Variants in MCC observed in about 807,000 individuals in gnomAD.
MCC encodes MCC regulator of Wnt signaling pathway.
A neutral mutation model predicts 116.2 loss-of-function variants in MCC; 90 were observed. The ratio of observed to expected loss-of-function variants is 0.77; its 90% CI spans 0.65 to 0.92. The LOEUF is 0.92. Among genes scored for constraint, MCC ranks in the 40% least tolerant of loss-of-function variants. The pLI is 0.00. For synonymous variants in MCC, 578 were observed against 510.5 expected (o/e 1.13, Z -1.78); for missense variants, 1,516 against 1,312.2 (o/e 1.16, Z -2.40).
intron 3 of MCC, among the ~76,000 whole-genome samples, chr5:113,177,743 C>A (rs1761409721): frequency 6.6e-6 from 1 of 152,136 alleles, no homozygotes; most frequent in African/African-American, 2.4e-5. Flanking sequence ...GTAATCCTAA[C>A]ATACATATAT....
intron 3 of MCC, among the ~76,000 whole-genome samples, chr5:113,271,814 G>A (rs1765628714): frequency 6.6e-6 from 1 of 152,188 alleles, no homozygotes; most frequent in Non-Finnish European, 1.5e-5. Flanking sequence ...TGCTGTCCAT[G>A]ATGTTATGAA....
At chr5:113,114,096 C>T (rs752537294) in intron 6 of MCC, among the ~76,000 whole-genome samples, 15 of 151,646 alleles carry the variant, frequency 9.9e-5, no homozygotes, top group African/African-American at 3.2e-4. Flanking sequence ...TAGAAAAAAA[C>T]GTATACACAA....
intron 3 of MCC, among the ~76,000 whole-genome samples, chr5:113,179,206 AC>A (rs1423355513): frequency 6.6e-6 from 1 of 152,110 alleles, no homozygotes; most frequent in African/African-American, 2.4e-5. Flanking sequence ...TCCATATAGC[AC>A]CATTAATCTT....
rs568716167 is a variant in MCC, at chr5:113,030,192, T to C, written c.2757-1136A>G. 5.9e-5 allele frequency among the ~76,000 whole-genome samples: 9 copies of C among 152,314 alleles called. No individual in the cohort carries two copies. In the South Asian group the frequency reaches 1.9e-3, roughly 32 times the overall value. On this transcript the variant is annotated intron_variant, in intron 17 of 18. Coordinates refer to ENST00000408903, the MANE Select transcript of MCC (RefSeq NM_001085377.2). ...ATAATAAATGAACATGCCCCTTGAC[T>C]AAGCAACTTCACTTCTAGGAATTGA...
At chr5:113,231,276 G>C (rs1763933007) in intron 3 of MCC, among the ~76,000 whole-genome samples, 1 of 152,078 alleles carries the variant, frequency 6.6e-6, no homozygotes, top group Non-Finnish European at 1.5e-5. Flanking sequence ...CCCAGTTTTA[G>C]AAATTTCTTA....
intron 1 of MCC, among the ~76,000 whole-genome samples, chr5:113,477,765 CCAAA>C (rs1185262999): frequency 2.0e-5 from 3 of 152,186 alleles, no homozygotes; most frequent in South Asian, 2.1e-4. Context: ...TCTAGTCATG[CCAAA>C]CAAAGAAAGC....
At chr5:113,031,667 G>A (rs900476542) in intron 17 of MCC, among the ~76,000 whole-genome samples, 3 of 152,110 alleles carry the variant, frequency 2.0e-5, no homozygotes, top group Non-Finnish European at 2.9e-5. Context: ...GCTACCTAGA[G>A]CAGTCAAATC....
chr5:113,243,511 C>A (rs770825035), intron 3 of MCC, among the ~76,000 whole-genome samples: 3 of 152,180 alleles, frequency 2.0e-5, no homozygotes, highest in Admixed American at 1.3e-4. Context: ...CAGGCTTTGA[C>A]TGAAAGAATA....
At chr5:113,176,188 C>T (rs1479642942) in intron 3 of MCC, among the ~76,000 whole-genome samples, 1 of 152,076 alleles carries the variant, frequency 6.6e-6, no homozygotes, top group Non-Finnish European at 1.5e-5. Context: ...CTCCTAAATG[C>T]CCATTTCTTG....
chr5:113,457,142 G>A (rs771820819), intron 1 of MCC, among the ~76,000 whole-genome samples: 1 of 152,218 alleles, frequency 6.6e-6, no homozygotes, highest in African/African-American at 2.4e-5. Context: ...GGGAGGTGTG[G>A]AGGGAGAGGC....
At chr5:113,392,952 TAAA>T (rs1047967142) in intron 1 of MCC, among the ~76,000 whole-genome samples, 2 of 152,124 alleles carry the variant, frequency 1.3e-5, no homozygotes, top group Non-Finnish European at 2.9e-5. Context: ...TGTATCATCA[TAAA>T]AAATCTCAAA....
chr5:113,366,665 T>C (rs1011469993), intron 2 of MCC, among the ~76,000 whole-genome samples: 2 of 152,200 alleles, frequency 1.3e-5, no homozygotes, highest in Non-Finnish European at 2.9e-5. Context: ...AGACAATAAG[T>C]AAGAGTGGCT....
chr5:113,165,614 C>A (rs1406345504), intron 3 of MCC, among the ~76,000 whole-genome samples: 1 of 152,132 alleles, frequency 6.6e-6, no homozygotes, highest in Non-Finnish European at 1.5e-5. Flanking sequence ...GAGAAAGCAG[C>A]AGGAAGAATA....
At chr5:113,377,760 C>G (rs1364799812) in intron 2 of MCC, among the ~76,000 whole-genome samples, 1 of 152,210 alleles carries the variant, frequency 6.6e-6, no homozygotes, top group Non-Finnish European at 1.5e-5. Context: ...ATAGTTGCTT[C>G]ACAGCATTCT....
At chr5:113,208,877 A>G (rs897731155) in intron 3 of MCC, among the ~76,000 whole-genome samples, 3 of 152,208 alleles carry the variant, frequency 2.0e-5, no homozygotes, top group African/African-American at 7.2e-5. Context: ...TGCTCTCAAT[A>G]TATTACAATT....
At chr5:113,311,188 T>C (rs953923200) in intron 3 of MCC, among the ~76,000 whole-genome samples, 7 of 152,186 alleles carry the variant, frequency 4.6e-5, no homozygotes, top group African/African-American at 1.7e-4. Context: ...CAGTTTGTGG[T>C]AGAATGCAAA....
intron 8 of MCC, among the ~76,000 whole-genome samples, chr5:113,087,254 A>ATTGAGC (rs1266516287): frequency 6.6e-6 from 1 of 152,228 alleles, no homozygotes; most frequent in African/African-American, 2.4e-5. Flanking sequence ...AAATAGGAAA[A>ATTGAGC]TTCCCTCAAA....
chr5:113,271,539 T>G (rs567741323), intron 3 of MCC, among the ~76,000 whole-genome samples: 1 of 152,212 alleles, frequency 6.6e-6, no homozygotes, highest in Non-Finnish European at 1.5e-5. Context: ...CCATCCAGGA[T>G]TGCCAGGACT....
At chr5:113,282,263 A>G (rs1236288939) in intron 3 of MCC, among the ~76,000 whole-genome samples, 1 of 152,208 alleles carries the variant, frequency 6.6e-6, no homozygotes, top group Non-Finnish European at 1.5e-5. Context: ...CCTGACCCCA[A>G]TATGTCATCA....
Sources: gnomAD v4.1 joint callset for allele counts (sites outside exome capture counted in the v4.1 genomes callset) on GRCh38, gnomAD v4.1.1 for gene constraint, MANE v1.5 for transcripts, NCBI Gene and HGNC (gene_info 2026-07-23, HGNC 2026-07-21) for gene names.